The following APBA2 variants were observed in gnomAD, a reference collection of about 807,000 sequenced individuals.
APBA2 encodes amyloid-beta A4 precursor protein-binding family A member 2.
Under a neutral mutation model 75.0 loss-of-function variants are expected in APBA2, and 30 were observed. That is an observed-to-expected ratio of 0.40 (90% CI 0.30 to 0.54). The LOEUF is 0.54. APBA2 is among the 20% of genes least tolerant of loss of function. The probability of loss-of-function intolerance (pLI) is 0.49; values close to 1 mark genes in which losing one functional copy is unlikely to be tolerated. For synonymous variants in APBA2, 444 were observed against 409.6 expected (o/e 1.08, Z -1.01); for missense variants, 801 against 1,016.1 (o/e 0.79, Z 2.88).
chr15:29,017,790 C>T (rs1227570156), intron 3 of APBA2, among the ~76,000 whole-genome samples: 2 of 152,174 alleles, frequency 1.3e-5, no homozygotes, highest in African/African-American at 4.8e-5. Flanking sequence ...ATTCTTTCGT[C>T]ATTTCTTATT....
chr15:28,899,152 C>A (rs369356649), intron 1 of APBA2, among the ~76,000 whole-genome samples: 57 of 152,328 alleles, frequency 3.7e-4, no homozygotes, highest in African/African-American at 1.3e-3. Context: ...GCCCCATGTC[C>A]TCGCAGCCCA....
rs544857298 is a variant in APBA2, at chr15:29,055,480, G to A, written c.951+645G>A. 1.6e-4 allele frequency among the ~76,000 whole-genome samples: 24 copies of A among 152,278 alleles called. 1 individual carries two copies. In the East Asian group the frequency reaches 4.1e-3, roughly 26 times the overall value. Reference sequence around the variant, plus strand: ...GTATTTTAATTATAGCAAAGTCAGCGTGCATTCTAATAAACACATTTGAAA... The same window carrying A: ...GTATTTTAATTATAGCAAAGTCAGCATGCATTCTAATAAACACATTTGAAA... On this transcript the variant is annotated intron_variant, in intron 4 of 14. Coordinates refer to ENST00000683413, the MANE Select transcript of APBA2 (RefSeq NM_001353788.2).
intron 3 of APBA2, among the ~76,000 whole-genome samples, chr15:29,017,389 C>G (rs926076490): frequency 9.1e-5 from 12 of 131,518 alleles, no homozygotes; most frequent in African/African-American, 3.6e-4. Flanking sequence ...ATCTTCTTTT[C>G]TTTCTTTCTT....
intron 3 of APBA2, among the ~76,000 whole-genome samples, chr15:29,010,382 C>T: frequency 6.6e-6 from 1 of 152,128 alleles, no homozygotes; most frequent in East Asian, 1.9e-4. Flanking sequence ...CCTCAGCCTC[C>T]CAAGTAGGTA....
chr15:28,895,927 C>T (rs151167183), intron 1 of APBA2, among the ~76,000 whole-genome samples: 33,429 of 151,954 alleles, frequency 0.22, 4,438 homozygotes, highest in Non-Finnish European at 0.29. Context: ...GCCTGGGTAA[C>T]GTAAGGAGAC....
intron 2 of APBA2, among the ~76,000 whole-genome samples, chr15:28,973,998 G>A (rs2037205939): frequency 1.3e-5 from 2 of 152,236 alleles, no homozygotes; most frequent in East Asian, 1.9e-4. Flanking sequence ...CCTAGCAGCC[G>A]CATCAGTAAA....
intron 1 of APBA2, among the ~76,000 whole-genome samples, chr15:28,894,914 G>A (rs1408847803): frequency 6.6e-6 from 1 of 151,850 alleles, no homozygotes; most frequent in African/African-American, 2.4e-5. Context: ...CAGGAGGGTG[G>A]CGGGGGCAGG....
rs1026645167 is a variant in APBA2, at chr15:28,918,225, C to G, written c.-204-3415C>G. On this transcript the variant is annotated intron_variant, in intron 1 of 14. Transcript: ENST00000683413. This position sits in a 1 kb window ranked among gnomAD's most constrained non-coding sequence, Gnocchi z 4.2. The stretch of plus-strand genomic sequence containing the variant: ...AGGCACAGGGAGGTGCAGAAGCGTT[C>G]CTGGCGCCACGGAGCCGGTCAGTGA... Among the ~76,000 whole-genome samples the G allele has an allele frequency of 6.6e-6, 1 of 152,208 alleles. No individual in the cohort carries two copies. Among genetic ancestry groups the G allele is most frequent in the African/African-American group, 2.4e-5 (1 of 41,456 alleles).
At chr15:29,038,961 T>C in intron 3 of APBA2, among the ~76,000 whole-genome samples, 1 of 152,102 alleles carries the variant, frequency 6.6e-6, no homozygotes, top group East Asian at 1.9e-4. Flanking sequence ...TGTGAGCCAC[T>C]ACGCCTGGCG....
At chr15:28,958,202 A>T (rs1449752986) in intron 2 of APBA2, among the ~76,000 whole-genome samples, 1 of 152,244 alleles carries the variant, frequency 6.6e-6, no homozygotes, top group African/African-American at 2.4e-5. Flanking sequence ...GGGACTTTCT[A>T]TGCTGTCCTT....
chr15:28,966,379 G>C (rs868595880), intron 2 of APBA2, among the ~76,000 whole-genome samples: 2 of 152,032 alleles, frequency 1.3e-5, no homozygotes, highest in Admixed American at 1.3e-4. Context: ...GGTCTGGGGG[G>C]TACGCATTTA....
chr15:29,003,685 A>G (rs758234147), intron 3 of APBA2, among the ~76,000 whole-genome samples: 7 of 152,250 alleles, frequency 4.6e-5, no homozygotes, highest in Non-Finnish European at 1.0e-4. Flanking sequence ...GGACCTGGCC[A>G]GGCAAGCCTG....
chr15:28,941,750 G>GTTTA (rs771265395), intron 2 of APBA2, among the ~76,000 whole-genome samples: 52 of 152,104 alleles, frequency 3.4e-4, no homozygotes, highest in East Asian at 1.2e-3. Flanking sequence ...CGTTTTGTTT[G>GTTTA]TTTATTTATT....
intron 3 of APBA2, among the ~76,000 whole-genome samples, chr15:29,029,877 G>A (rs1052220528): frequency 2.0e-5 from 3 of 152,164 alleles, no homozygotes; most frequent in African/African-American, 7.2e-5. Flanking sequence ...TGCGGTGTGA[G>A]TTCGGGCACC....
chr15:28,950,429 C>A (rs994072557), intron 2 of APBA2, among the ~76,000 whole-genome samples: 1 of 151,916 alleles, frequency 6.6e-6, no homozygotes, highest in African/African-American at 2.4e-5. Flanking sequence ...AGATCGAGAC[C>A]ATCTTGGCTA....
intron 6 of APBA2, among the ~76,000 whole-genome samples, chr15:29,085,188 G>A (rs1442386683): frequency 6.6e-6 from 1 of 152,110 alleles, no homozygotes; most frequent in Non-Finnish European, 1.5e-5. Context: ...TATAAGAAAA[G>A]CAGATTAAAT....
intron 2 of APBA2, among the ~76,000 whole-genome samples, chr15:28,985,917 G>T (rs2037899445): frequency 6.6e-6 from 1 of 152,218 alleles, no homozygotes; most frequent in South Asian, 2.1e-4. Context: ...TCAGGACCTG[G>T]GAGGAGCGGC....
chr15:28,947,861 T>A (rs77156739), intron 2 of APBA2, among the ~76,000 whole-genome samples: 1 of 152,032 alleles, frequency 6.6e-6, no homozygotes, highest in African/African-American at 2.4e-5. Flanking sequence ...GAAGTGGAAA[T>A]TTTCAAAACT....
chr15:28,964,844 G>A (rs1321276668), intron 2 of APBA2, among the ~76,000 whole-genome samples: 5 of 151,908 alleles, frequency 3.3e-5, no homozygotes. Flanking sequence ...TTTAAGGGCT[G>A]TTTATATATT....
Sources: gnomAD v4.1 joint callset for allele counts (sites outside exome capture counted in the v4.1 genomes callset) on GRCh38, gnomAD v4.1.1 for gene constraint, Gnocchi (gnomAD v3.1) non-coding constraint, MANE v1.5 for transcripts, NCBI Gene and HGNC (gene_info 2026-07-23, HGNC 2026-07-21) for gene names.